RHAG: variants seen among roughly 807,000 people sequenced by gnomAD.
RHAG encodes the protein ammonium transporter Rh type A.
A neutral mutation model predicts 42.4 loss-of-function variants in RHAG; 25 were observed. The ratio of observed to expected loss-of-function variants is 0.59; its 90% CI spans 0.43 to 0.82. RHAG has a LOEUF of 0.82. Ranked by LOEUF, RHAG falls within the 40% of genes least tolerant of loss-of-function variation. The pLI is 0.00. For synonymous variants in RHAG, 182 were observed against 177.7 expected, an observed-to-expected ratio of 1.02 and a Z score of -0.19; for missense variants, 483 against 504.6, an observed-to-expected ratio of 0.96 and a Z score of 0.41.
In RHAG at chr6:49,636,309, C is replaced by T. The variant is rs147862506; in HGVS notation, c.157+347G>A. Among the ~76,000 whole-genome samples the T allele has an allele frequency of 1.8e-4, 27 of 152,234 alleles. No homozygotes were observed. The East Asian group carries it at 5.2e-3, about 29-fold the overall frequency. On this transcript the variant is annotated intron_variant, in intron 1 of 9. Transcript: ENST00000371175. ...CTCTCTCCTCCAAAGTTACCTTTGGCCCTTTCAGTGGGGAATGCAAAGGAA... is the reference window on the plus strand; with the variant it reads ...CTCTCTCCTCCAAAGTTACCTTTGGTCCTTTCAGTGGGGAATGCAAAGGAA...
At chr6:49,617,763 A>G (rs1762677885) in intron 3 of RHAG, among the ~76,000 whole-genome samples, 1 of 152,220 alleles carries the variant, frequency 6.6e-6, no homozygotes, top group Admixed American at 6.5e-5. Flanking sequence ...GAGGAATTAG[A>G]AAAATCTGGA....
chr6:49,607,359 A>T (rs1762493340), intron 7 of RHAG, 139 bp from the exon 8 acceptor site: 1 of 728,904 alleles, frequency 1.4e-6, no homozygotes, highest in Non-Finnish European at 2.5e-6. Flanking sequence ...CATTTGTTAC[A>T]ATTTTTCTTT....
Position 49,615,788 on chromosome 6 carries a change from C to A in RHAG, c.493-17G>T, listed in dbSNP as rs761647960. On this transcript the variant is annotated splice_polypyrimidine_tract_variant and intron_variant, in intron 3 of 9. Transcript: ENST00000371175. ...GTCAGAGGCCTGAGGGACAAAATAG[C>A]ATTCACATAAATAGAGGTGAACCTG... 1 of 1,613,406 alleles carries A rather than the reference C, an allele frequency of 6.2e-7. No homozygotes were observed. Among genetic ancestry groups the A allele is most frequent in the Non-Finnish European group, 8.5e-7 (1 of 1,179,482 alleles).
chr6:49,608,152 A>G (rs1438736743), intron 7 of RHAG, among the ~76,000 whole-genome samples: 2 of 152,210 alleles, frequency 1.3e-5, no homozygotes, highest in Middle Eastern at 3.2e-3. Flanking sequence ...TTAAAATGCA[A>G]TCTTACTATA....
At chr6:49,620,604 T>C (rs1314753442) in intron 1 of RHAG, among the ~76,000 whole-genome samples, 1 of 152,008 alleles carries the variant, frequency 6.6e-6, no homozygotes, top group Non-Finnish European at 1.5e-5. Flanking sequence ...TGAACTCGGC[T>C]CACTGCAACC....
At chr6:49,624,356 C>T (rs1762808905) in intron 1 of RHAG, among the ~76,000 whole-genome samples, 1 of 152,110 alleles carries the variant, frequency 6.6e-6, no homozygotes, top group African/African-American at 2.4e-5. Flanking sequence ...CAGGCGTGTG[C>T]CACCACACCT....
At chr6:49,614,937 CTTATTTATTTGT>C (rs1762629497) in intron 4 of RHAG, 84 bp from the exon 5 acceptor site, 3 of 1,242,460 alleles carry the variant, frequency 2.4e-6, no homozygotes, top group Non-Finnish European at 3.5e-6. Flanking sequence ...TATTTATTTA[CTTATTTATTTGT>C]TTATTTATTT....
chr6:49,609,495 T>A (rs1762532221), intron 7 of RHAG, among the ~76,000 whole-genome samples: 1 of 152,236 alleles, frequency 6.6e-6, no homozygotes, highest in Admixed American at 6.5e-5. Context: ...GGAGTTGAGC[T>A]CATTCACACA....
intron 2 of RHAG, 41 bp from the exon 3 acceptor site, chr6:49,618,259 C>T: frequency 6.2e-7 from 1 of 1,611,688 alleles, no homozygotes; most frequent in Non-Finnish European, 8.5e-7. Flanking sequence ...AATGCACACC[C>T]AACATAAAAC....
intron 1 of RHAG, among the ~76,000 whole-genome samples, chr6:49,628,716 C>G (rs936544692): frequency 1.3e-5 from 2 of 150,408 alleles, no homozygotes; most frequent in African/African-American, 4.9e-5. Flanking sequence ...CAGACCTTCG[C>G]GGTGAGTGTT....
chr6:49,611,188 T>C, intron 6 of RHAG, 43 bp from the exon 7 acceptor site: 2 of 1,524,882 alleles, frequency 1.3e-6, no homozygotes, highest in Non-Finnish European at 1.8e-6. Context: ...TAGTTAAACA[T>C]ATAGAACTCT....
chr6:49,624,443 G>T (rs1762810912), intron 1 of RHAG, among the ~76,000 whole-genome samples: 1 of 152,198 alleles, frequency 6.6e-6, no homozygotes, highest in Non-Finnish European at 1.5e-5. Flanking sequence ...GACCTCAGGT[G>T]ATCCACCAGC....
intron 5 of RHAG, among the ~76,000 whole-genome samples, chr6:49,613,908 G>C (rs1008418007): frequency 2.0e-5 from 3 of 152,074 alleles, no homozygotes; most frequent in African/African-American, 7.2e-5. Flanking sequence ...ATTTTTTCTA[G>C]TATCCTATTG....
At chr6:49,630,568 A>G (rs1394741206) in intron 1 of RHAG, among the ~76,000 whole-genome samples, 1 of 152,210 alleles carries the variant, frequency 6.6e-6, no homozygotes, top group African/African-American at 2.4e-5. Context: ...TAGTATCCTT[A>G]GGGCAGTATC....
Position 49,619,305 on chromosome 6 carries a change from A to G in RHAG, c.215T>C (p.Leu72Pro). 6.2e-7 allele frequency: 1 copy of G among 1,614,192 alleles called. No individual in the cohort carries two copies. Among genetic ancestry groups the G allele is most frequent in the Non-Finnish European group, 8.5e-7 (1 of 1,180,034 alleles). The change falls in exon 2 of 10, where the codon CTG (leucine) becomes CCG (proline). Residue 72 changes from leucine to proline, a missense_variant. Transcript: ENST00000371175. ...FVGFGFLMTFLKKYGFSSVGI... is the reference protein window; with the variant it reads ...FVGFGFLMTFPKKYGFSSVGI... ...CACACTGCTGAAGCCATATTTCTTC[A>G]GGAAGGTCATGAGGAAGCCAAACCC...
intron 1 of RHAG, among the ~76,000 whole-genome samples, chr6:49,621,116 T>C (rs368635370): frequency 5.9e-5 from 9 of 152,168 alleles, no homozygotes; most frequent in African/African-American, 1.7e-4. Flanking sequence ...TGTTCTGCCA[T>C]CAGGCTCAGG....
chr6:49,625,501 GGTTT>G (rs1473798506), intron 1 of RHAG, among the ~76,000 whole-genome samples: 1 of 152,006 alleles, frequency 6.6e-6, no homozygotes, highest in Non-Finnish European at 1.5e-5. Flanking sequence ...TATAATCAGT[GGTTT>G]TATTATAATT....
chr6:49,620,324 A>C (rs1386709195), intron 1 of RHAG, among the ~76,000 whole-genome samples: 2 of 152,236 alleles, frequency 1.3e-5, no homozygotes, highest in Admixed American at 1.3e-4. Context: ...AAAACATATG[A>C]TCAAATGCAA....
intron 7 of RHAG, 45 bp from the exon 8 acceptor site, chr6:49,607,265 A>T (rs1414052687): frequency 6.7e-7 from 1 of 1,502,020 alleles, no homozygotes; most frequent in African/African-American, 1.4e-5. Context: ...CCTGGATCTC[A>T]GCCAAAGAAA....
Sources: gnomAD v4.1 joint callset for allele counts (sites outside exome capture counted in the v4.1 genomes callset) on GRCh38, gnomAD v4.1.1 for gene constraint, MANE v1.5 for transcripts, NCBI Gene and HGNC (gene_info 2026-07-23, HGNC 2026-07-21) for gene names.